ATP6V1H: variants seen among roughly 807,000 people sequenced by gnomAD.
ATP6V1H encodes V-type proton ATPase subunit H.
ATP6V1H carries 39 observed loss-of-function variants against 71.7 expected under a neutral mutation model. That is an observed-to-expected ratio of 0.54 (90% CI 0.42 to 0.71). ATP6V1H has a LOEUF of 0.71. Ranked by LOEUF, ATP6V1H falls within the 30% of genes least tolerant of loss-of-function variation. ATP6V1H has a pLI of 0.00. For missense variants in ATP6V1H, 509 were observed against 594.9 expected (o/e 0.86, Z 1.50); for synonymous variants, 192 against 199.3 (o/e 0.96, Z 0.31).
In ATP6V1H at chr8:53,829,463, ATAGT is replaced by A. The variant is rs753020424; in HGVS notation, c.283_286del (p.Thr95TrpfsTer35). On this transcript the variant is annotated frameshift_variant, in exon 4 of 14. Coordinates refer to ENST00000359530, the MANE Select transcript of ATP6V1H (RefSeq NM_015941.4). LOFTEE classifies it high-confidence loss of function. ...ACCTACCTGCAGCATATCATCCACCATAGTTAGTATATACTGAACGGTCTGTTCT... is the reference window on the plus strand; with the variant it reads ...ACCTACCTGCAGCATATCATCCACCATAGTATATACTGAACGGTCTGTTCT... 2 of 1,604,744 alleles carry A rather than the reference ATAGT, an allele frequency of 1.2e-6. No individual in the cohort carries two copies. Among genetic ancestry groups the A allele is most frequent in the South Asian group, 1.1e-5 (1 of 89,462 alleles).
intron 4 of ATP6V1H, among the ~76,000 whole-genome samples, chr8:53,821,730 G>T (rs1262417010): frequency 6.6e-6 from 1 of 151,958 alleles, no homozygotes; most frequent in African/African-American, 2.4e-5. Context: ...TGAGTGAGGA[G>T]TATTATAAAC....
chr8:53,813,809 G>A (rs958750400), intron 6 of ATP6V1H, among the ~76,000 whole-genome samples: 2 of 152,200 alleles, frequency 1.3e-5, no homozygotes, highest in Non-Finnish European at 2.9e-5. Flanking sequence ...AGAAAGGCCT[G>A]CAAGCAACCA....
rs531766127 is a variant in ATP6V1H at position 53,789,390 on chromosome 8, G to A, written c.870+6257C>T. 2.3e-3 allele frequency among the ~76,000 whole-genome samples: 357 copies of A among 152,160 alleles called. 1 individual carries two copies. The highest frequency in any genetic ancestry group is 7.3e-3 in the African/African-American group (303 of 41,518). ...AGCCCATTATTAAAAATTAGTACCT[G>A]GGCCAGGCACGGTGGCTCACACCTG... On this transcript the variant is annotated intron_variant, in intron 9 of 13. Coordinates refer to ENST00000359530, the MANE Select transcript of ATP6V1H (RefSeq NM_015941.4).
At chr8:53,795,494 CA>C (rs1257816505) in intron 9 of ATP6V1H, among the ~76,000 whole-genome samples, 152 bp downstream of exon 9, 1 of 152,144 alleles carries the variant, frequency 6.6e-6, no homozygotes, top group Non-Finnish European at 1.5e-5. Context: ...ACCATAAATA[CA>C]AATTAGTGAT....
At chr8:53,793,274 T>C (rs1410031791) in intron 9 of ATP6V1H, among the ~76,000 whole-genome samples, 3 of 152,138 alleles carry the variant, frequency 2.0e-5, no homozygotes, top group African/African-American at 4.8e-5. Context: ...AGCAGAAAAA[T>C]ATGCACTCCC....
chr8:53,832,821 A>C (rs1187800311), intron 3 of ATP6V1H, 163 bp downstream of exon 3: 1 of 449,674 alleles, frequency 2.2e-6, no homozygotes, highest in Non-Finnish European at 3.9e-6. Context: ...TGTATATTCT[A>C]AGAAAATATT....
chr8:53,758,392 A>C (rs1808146847), intron 11 of ATP6V1H, among the ~76,000 whole-genome samples: 1 of 152,184 alleles, frequency 6.6e-6, no homozygotes, highest in African/African-American at 2.4e-5. Context: ...CACACCCAGA[A>C]ACAAGAGTGT....
intron 7 of ATP6V1H, among the ~76,000 whole-genome samples, chr8:53,808,814 A>AG (rs1554566234): frequency 1.6e-4 from 24 of 152,112 alleles, no homozygotes; most frequent in African/African-American, 4.3e-4. Context: ...AAAAAAAAAA[A>AG]CAAAATGTTT....
rs190265357 is a variant in ATP6V1H, at chr8:53,766,237, T to C, written c.1175+3381A>G. 4.5e-3 allele frequency among the ~76,000 whole-genome samples: 689 copies of C among 152,346 alleles called. 9 individuals carry two copies. The highest frequency in any genetic ancestry group is 0.026 in the South Asian group (127 of 4,830). On this transcript the variant is annotated intron_variant, in intron 11 of 13. Transcript: ENST00000359530. ...TTAGTTCCCCAAATTAATACTTTTG[T>C]AATTTCTCATGCCTGTCTTTACTGC...
At chr8:53,801,674 A>G (rs1809913661) in intron 8 of ATP6V1H, 125 bp downstream of exon 8, 2 of 763,910 alleles carry the variant, frequency 2.6e-6, no homozygotes, top group East Asian at 5.7e-5. Context: ...AGCTTAGCAT[A>G]GTCAATTGTT....
chr8:53,717,305 A>G (rs1321889153), intron 13 of ATP6V1H, among the ~76,000 whole-genome samples: 4 of 152,246 alleles, frequency 2.6e-5, no homozygotes, highest in Non-Finnish European at 4.4e-5. Context: ...AATGTCACGC[A>G]GTGGCGGAGC....
intron 8 of ATP6V1H, among the ~76,000 whole-genome samples, chr8:53,798,718 G>T (rs1293160094): frequency 6.6e-6 from 1 of 151,934 alleles, no homozygotes; most frequent in Non-Finnish European, 1.5e-5. Context: ...ATGACTTTTT[G>T]AAATTGCTAT....
intron 13 of ATP6V1H, among the ~76,000 whole-genome samples, chr8:53,721,058 T>C (rs1214342531): frequency 2.6e-5 from 4 of 152,238 alleles, no homozygotes; most frequent in South Asian, 2.1e-4. Flanking sequence ...TATTCTTTTC[T>C]AAATATATAA....
intron 13 of ATP6V1H, among the ~76,000 whole-genome samples, chr8:53,728,193 T>G (rs1235484530): frequency 1.3e-5 from 2 of 152,110 alleles, no homozygotes; most frequent in Non-Finnish European, 2.9e-5. Context: ...CCTCACTCCT[T>G]AATGTGACAA....
In ATP6V1H at chr8:53,715,976, G is replaced by A. The variant is rs201717510; in HGVS notation, c.1440C>T (p.Ala480=). 17 of 1,608,142 alleles carry A rather than the reference G, an allele frequency of 1.1e-5. No homozygotes were observed. Among genetic ancestry groups the A allele is most frequent in the Admixed American group, 5.1e-5 (3 of 59,168 alleles). Residue 480 remains alanine (A), a synonymous_variant, in exon 14 of 14, where the codon GCC becomes GCT. Coordinates refer to ENST00000359530, the MANE Select transcript of ATP6V1H (RefSeq NM_015941.4). ...QLQSEQPQTA[A]ARS ...GCCAGAGGCAGGCTTAGCTTCGGGCGGCAGCGGTCTGGGGCTGCTCGGACT... is the reference window on the plus strand; with the variant it reads ...GCCAGAGGCAGGCTTAGCTTCGGGCAGCAGCGGTCTGGGGCTGCTCGGACT...
At chr8:53,734,800 C>T (rs1018478928) in intron 13 of ATP6V1H, among the ~76,000 whole-genome samples, 5 of 152,106 alleles carry the variant, frequency 3.3e-5, no homozygotes, top group Non-Finnish European at 7.4e-5. Flanking sequence ...CCTCCTTCTC[C>T]CTCAAGCACC....
At chr8:53,739,419 C>T (rs553790612) in intron 13 of ATP6V1H, 6 of 152,172 alleles carry the variant, frequency 3.9e-5, no homozygotes, top group Non-Finnish European at 7.4e-5. Flanking sequence ...GTGAGTTTTT[C>T]TGTTATATTA....
At chr8:53,771,298 A>G (rs1320196373) in intron 10 of ATP6V1H, among the ~76,000 whole-genome samples, 1 of 152,242 alleles carries the variant, frequency 6.6e-6, no homozygotes, top group Non-Finnish European at 1.5e-5. Flanking sequence ...AACTCTTTTA[A>G]AAACATGCCA....
chr8:53,794,256 T>A (rs1467902683), intron 9 of ATP6V1H, among the ~76,000 whole-genome samples: 2 of 152,192 alleles, frequency 1.3e-5, no homozygotes, highest in Non-Finnish European at 2.9e-5. Context: ...TATACATCTA[T>A]TTATTTATCT....
Sources: gnomAD v4.1 joint callset for allele counts (sites outside exome capture counted in the v4.1 genomes callset) on GRCh38, gnomAD v4.1.1 for gene constraint, MANE v1.5 for transcripts, NCBI Gene and HGNC (gene_info 2026-07-23, HGNC 2026-07-21) for gene names.